COL21A1: variants seen among roughly 807,000 people sequenced by gnomAD.
The protein encoded by COL21A1 is collagen type XXI alpha 1 chain, also known as collagen alpha-1(XXI) chain.
COL21A1 carries 149 observed loss-of-function variants against 137.9 expected under a neutral mutation model. The ratio of observed to expected loss-of-function variants is 1.08; its 90% CI spans 0.95 to 1.24. COL21A1 has a LOEUF of 1.24. COL21A1 is among the 50% of genes most tolerant of loss of function. The pLI is 0.00. For missense variants in COL21A1, 1,167 were observed against 1,158.4 expected (o/e 1.01, Z -0.11); for synonymous variants, 456 against 391.5 (o/e 1.16, Z -1.95).
chr6:56,245,939 G>A (rs7769092), intron 1 of COL21A1, among the ~76,000 whole-genome samples: 132,308 of 152,224 alleles, frequency 0.87, 57,834 homozygotes, highest in African/African-American at 0.95. Flanking sequence ...ATTGCAGCAC[G>A]CATGTGCTGG....
At chr6:56,074,981 TG>T (rs34830483) in intron 19 of COL21A1, among the ~76,000 whole-genome samples, 2,591 of 150,400 alleles carry the variant, frequency 0.017, 76 homozygotes, top group African/African-American at 0.06. Context: ...AGTTAAAATT[TG>T]GGGGGGGATT....
chr6:56,094,293 G>A (rs1026965677), intron 17 of COL21A1, among the ~76,000 whole-genome samples: 2 of 152,266 alleles, frequency 1.3e-5, no homozygotes, highest in African/African-American at 4.8e-5. Context: ...ATGACAAGGT[G>A]TCACTATTCT....
intron 10 of COL21A1, among the ~76,000 whole-genome samples, chr6:56,142,497 T>C (rs917247316): frequency 6.6e-6 from 1 of 152,206 alleles, no homozygotes; most frequent in African/African-American, 2.4e-5. Context: ...ATATCCTCCA[T>C]GGTCCCCCAA....
chr6:56,391,692 G>A (rs2094030007), intron 1 of COL21A1, among the ~76,000 whole-genome samples: 1 of 151,966 alleles, frequency 6.6e-6, no homozygotes, highest in Non-Finnish European at 1.5e-5. Context: ...TAGAACAATT[G>A]GATATGTTTA....
At chr6:56,208,662 A>G (rs1237056001) in intron 1 of COL21A1, among the ~76,000 whole-genome samples, 5 of 152,142 alleles carry the variant, frequency 3.3e-5, no homozygotes, top group Admixed American at 1.3e-4. Flanking sequence ...TCACTGAATT[A>G]GAAAACACTA....
intron 1 of COL21A1, among the ~76,000 whole-genome samples, chr6:56,310,556 T>C (rs1203743705): frequency 6.6e-6 from 1 of 152,212 alleles, no homozygotes. Context: ...TGATGTTGTA[T>C]ACCATAGTAT....
intron 1 of COL21A1, among the ~76,000 whole-genome samples, chr6:56,239,557 A>G (rs1001534472): frequency 1.3e-5 from 2 of 152,184 alleles, no homozygotes; most frequent in African/African-American, 2.4e-5. Context: ...GCCATAATTC[A>G]AATTTAAAAT....
chr6:56,237,033 T>A (rs1421196985), intron 1 of COL21A1, among the ~76,000 whole-genome samples: 1 of 152,076 alleles, frequency 6.6e-6, no homozygotes, highest in Non-Finnish European at 1.5e-5. Flanking sequence ...TTCTTACAGC[T>A]TTTGATGAGA....
intron 1 of COL21A1, among the ~76,000 whole-genome samples, chr6:56,267,776 G>A (rs1271877291): frequency 7.9e-5 from 10 of 126,198 alleles, no homozygotes; most frequent in South Asian, 3.2e-4. Flanking sequence ...AAAAAAAGAA[G>A]AAGAAGAAGA....
At chr6:56,228,511 G>A (rs1298157551) in intron 1 of COL21A1, among the ~76,000 whole-genome samples, 1 of 151,288 alleles carries the variant, frequency 6.6e-6, no homozygotes, top group Non-Finnish European at 1.5e-5. Flanking sequence ...GGGTAGAGGA[G>A]AAGAAATATA....
rs774051086 is a variant in COL21A1 at position 56,057,732 on chromosome 6, T to C, written c.2799A>G (p.Pro933=). The C allele has an allele frequency of 3.7e-6, 6 of 1,612,888 alleles. No individual in the cohort carries two copies. In the East Asian group the frequency reaches 1.1e-4, roughly 30 times the overall value. Residue 933 remains proline (P), a synonymous_variant, in exon 30 of 30, where the codon CCA becomes CCG. Coordinates refer to ENST00000244728, the MANE Select transcript of COL21A1 (RefSeq NM_030820.4). ...AACATAGTGATGGGTCGCAGATGCC[T>C]GGGGGGCCTGGTTGCCCTTGGATTC... The part of the protein sequence containing the change: ...KPGIQGQPGP[P]GICDPSLCFS...
chr6:56,081,876 A>G (rs974363973), intron 17 of COL21A1, among the ~76,000 whole-genome samples: 2 of 151,914 alleles, frequency 1.3e-5, no homozygotes, highest in African/African-American at 4.8e-5. Flanking sequence ...GCCAATAAAT[A>G]TAGGCTACTC....
At chr6:56,208,006 TA>T (rs1255361713) in intron 1 of COL21A1, among the ~76,000 whole-genome samples, 1 of 152,102 alleles carries the variant, frequency 6.6e-6, no homozygotes. Context: ...AAACTCTCCA[TA>T]AGCTAGGTAT....
intron 1 of COL21A1, chr6:56,331,995 T>C (rs1255582808): frequency 6.6e-6 from 1 of 152,128 alleles, no homozygotes; most frequent in African/African-American, 2.4e-5. Context: ...CATTTATATA[T>C]AAAAAACACA....
intron 10 of COL21A1, among the ~76,000 whole-genome samples, chr6:56,155,907 G>C (rs1212392539): frequency 6.6e-6 from 1 of 152,148 alleles, no homozygotes; most frequent in East Asian, 1.9e-4. Flanking sequence ...CCAGCCAAAA[G>C]CTAATTCTTC....
chr6:56,355,814 C>G (rs1187292876), intron 1 of COL21A1, among the ~76,000 whole-genome samples: 1 of 152,138 alleles, frequency 6.6e-6, no homozygotes, highest in African/African-American at 2.4e-5. Flanking sequence ...ATACTATTCT[C>G]TATTCTTGTT....
chr6:56,387,789 C>G (rs1335045258), intron 1 of COL21A1, among the ~76,000 whole-genome samples: 1 of 152,204 alleles, frequency 6.6e-6, no homozygotes, highest in Non-Finnish European at 1.5e-5. Context: ...GCTGGCTCCA[C>G]CTTTAGCTGA....
intron 1 of COL21A1, among the ~76,000 whole-genome samples, chr6:56,213,938 G>A (rs1391268254): frequency 6.6e-6 from 1 of 151,830 alleles, no homozygotes; most frequent in African/African-American, 2.4e-5. Flanking sequence ...GTGACTGGAG[G>A]GTGACCCAAG....
chr6:56,361,066 C>G (rs2152348466), intron 1 of COL21A1, among the ~76,000 whole-genome samples: 1 of 152,184 alleles, frequency 6.6e-6, no homozygotes, highest in East Asian at 1.9e-4. Flanking sequence ...TGCACTCCAG[C>G]CTTAGTGACA....
Sources: allele counts gnomAD v4.1 joint callset (sites outside exome capture counted in the v4.1 genomes callset), GRCh38; gene constraint gnomAD v4.1.1; transcripts MANE v1.5; gene names NCBI Gene and HGNC (gene_info 2026-07-23, HGNC 2026-07-21).